Variants in OC90 observed in about 807,000 individuals in gnomAD.
OC90 encodes otoconin 90, also known as otoconin-90.
In OC90, 46 loss-of-function variants were observed where a neutral mutation model predicts 47.3. That is an observed-to-expected ratio of 0.97 (90% CI 0.77 to 1.24). The LOEUF is 1.24. Ranked by LOEUF, OC90 falls within the 50% of genes most tolerant of loss-of-function variation. OC90 has a pLI of 0.00. For missense variants in OC90, 688 were observed against 583.9 expected (o/e 1.18, Z -1.84); for synonymous variants, 271 against 219.5 (o/e 1.23, Z -2.07).
intron 13 of OC90, among the ~76,000 whole-genome samples, chr8:132,027,386 A>G (rs1276963743): frequency 6.6e-6 from 1 of 152,198 alleles, no homozygotes; most frequent in Non-Finnish European, 1.5e-5. Flanking sequence ...TGTGACAGAC[A>G]TACCTGATCG....
rs190481083 is a variant in OC90 at position 132,027,492 on chromosome 8, C to T, written c.1138+1581G>A. On this transcript the variant is annotated intron_variant, in intron 13 of 13. Transcript: ENST00000254627. ...GGTCCAGCCAGTGGGCTGCCCCAGA[C>T]GAAAATGAAAATGAGAACAAACTCT... Among the ~76,000 whole-genome samples the T allele has an allele frequency of 3.7e-3, 562 of 152,210 alleles. 5 individuals carry two copies. Among genetic ancestry groups the T allele is most frequent in the African/African-American group, 1.0e-2 (414 of 41,532 alleles).
chr8:132,038,015 A>G (rs1371554227), intron 8 of OC90, among the ~76,000 whole-genome samples: 1 of 152,088 alleles, frequency 6.6e-6, no homozygotes, highest in Non-Finnish European at 1.5e-5. Flanking sequence ...CAAACACCAA[A>G]CACTGCATGA....
chr8:132,026,263 T>G (rs943809442), intron 13 of OC90, among the ~76,000 whole-genome samples: 5 of 152,210 alleles, frequency 3.3e-5, no homozygotes, highest in Non-Finnish European at 7.3e-5. Context: ...AATATTATCC[T>G]TGTTATCTGT....
intron 4 of OC90, among the ~76,000 whole-genome samples, chr8:132,043,210 G>A (rs1265567286): frequency 6.6e-6 from 1 of 152,212 alleles, no homozygotes; most frequent in Non-Finnish European, 1.5e-5. Flanking sequence ...AGCTGCACTA[G>A]GTGCTTTCAC....
intron 4 of OC90, among the ~76,000 whole-genome samples, chr8:132,042,349 G>C (rs1170508695): frequency 6.6e-6 from 1 of 152,144 alleles, no homozygotes; most frequent in Non-Finnish European, 1.5e-5. Flanking sequence ...TTGAGATAAT[G>C]AAATGTCTTT....
At chr8:132,038,469 G>C (rs1036666979) in intron 8 of OC90, among the ~76,000 whole-genome samples, 7 of 152,166 alleles carry the variant, frequency 4.6e-5, no homozygotes, top group Admixed American at 3.9e-4. Context: ...TCTTGTCCCA[G>C]TCACACTACA....
chr8:132,032,720 C>T (rs1822893540), intron 11 of OC90, among the ~76,000 whole-genome samples: 1 of 152,128 alleles, frequency 6.6e-6, no homozygotes, highest in Non-Finnish European at 1.5e-5. Flanking sequence ...AACCCAAGTG[C>T]TTCATGCTTT....
intron 2 of OC90, 113 bp downstream of exon 2, chr8:132,054,868 C>T: frequency 3.3e-6 from 2 of 613,510 alleles, no homozygotes; most frequent in Non-Finnish European, 5.5e-6. Flanking sequence ...AAGATAAGGA[C>T]ATTTAAAAGA....
At chr8:132,056,181 C>A (rs1823277290) in intron 1 of OC90, among the ~76,000 whole-genome samples, 1 of 152,128 alleles carries the variant, frequency 6.6e-6, no homozygotes, top group Non-Finnish European at 1.5e-5. Flanking sequence ...CAGAGCTTGA[C>A]TCTGAAGCTT....
chr8:132,031,331 C>A (rs1822870343), intron 12 of OC90, among the ~76,000 whole-genome samples: 1 of 152,290 alleles, frequency 6.6e-6, no homozygotes, highest in South Asian at 2.1e-4. Flanking sequence ...GGGTTTGATG[C>A]ATATTTAAAC....
At chr8:132,046,777 T>C (rs1823139748) in intron 2 of OC90, among the ~76,000 whole-genome samples, 1 of 152,204 alleles carries the variant, frequency 6.6e-6, no homozygotes, top group Non-Finnish European at 1.5e-5. Context: ...GTCAGCACTG[T>C]CCATCTGACA....
At position 132,039,242 on chromosome 8, in the gene OC90, T is replaced by C. The variant is rs189386006; in HGVS notation, c.458-119A>G. The C allele has an allele frequency of 6.7e-6, 7 of 1,050,936 alleles. No homozygotes were observed. The East Asian group carries it at 1.8e-4, about 27-fold the overall frequency. 65.1% of individuals were successfully genotyped at this position (1,050,936 alleles called of 1,614,324 possible). ...GCCAAAAATCCCACTCCCCTTGCAA[T>C]CTCCATCTCATTCATGTCAGCTCTT... On this transcript the variant is annotated intron_variant, in intron 6 of 13. Transcript: ENST00000254627.
intron 4 of OC90, among the ~76,000 whole-genome samples, chr8:132,043,572 C>T (rs1305042426): frequency 1.3e-5 from 2 of 152,212 alleles, no homozygotes; most frequent in African/African-American, 2.4e-5. Context: ...ACTGATTTAA[C>T]ATGCACAGGG....
rs1306153580 is a variant in OC90, at chr8:132,024,564, G to A, written c.1351C>T (p.Pro451Ser). ...TTGGCTCTGCCGAGGTCCTCCTGTGGAGGGTCCTCCTCGCTGTCCTCCTCA... is the reference window on the plus strand; with the variant it reads ...TTGGCTCTGCCGAGGTCCTCCTGTGAAGGGTCCTCCTCGCTGTCCTCCTCA... ...SSEEDSEEDP[P>S]QEDLGRAKRF... The change falls in exon 14 of 14, where the codon CCA (proline) becomes TCA (serine). Residue 451 changes from proline (P) to serine (S), a missense_variant. Pro to Ser is a moderately conservative substitution (Grantham distance 74). Coordinates refer to ENST00000254627, the MANE Select transcript of OC90 (RefSeq NM_001080399.3). 6.2e-6 allele frequency: 10 copies of A among 1,612,560 alleles called. No homozygotes were observed. Among genetic ancestry groups the A allele is most frequent in the East Asian group, 2.2e-5 (1 of 44,844 alleles).
chr8:132,046,702 G>T (rs750807090), intron 2 of OC90, among the ~76,000 whole-genome samples: 3 of 152,282 alleles, frequency 2.0e-5, no homozygotes, highest in Non-Finnish European at 2.9e-5. Flanking sequence ...GCAATATAAA[G>T]CTTGTAAGTA....
At position 132,024,257 on chromosome 8, in the gene OC90, G is replaced by A; in HGVS notation, c.*224C>T. On this transcript the variant is annotated 3_prime_UTR_variant, in exon 14 of 14. Coordinates refer to ENST00000254627, the MANE Select transcript of OC90 (RefSeq NM_001080399.3). ...TATTGAGCTTCCACAGTGCACTAAA[G>A]GAGCATGGAGGTACCATGGTGTGCC... is the stretch of plus-strand genomic sequence containing the variant. 1 of 462,638 alleles carries A rather than the reference G, an allele frequency of 2.2e-6. No homozygotes were observed. Among genetic ancestry groups the A allele is most frequent in the Non-Finnish European group, 3.8e-6 (1 of 260,876 alleles). 28.7% of individuals were successfully genotyped at this position (462,638 alleles called of 1,614,324 possible). A position where few individuals can be genotyped will look rare whatever the true frequency, so the allele number is the denominator to read the frequency against.
chr8:132,031,025 G>A (rs1004119557), intron 12 of OC90, among the ~76,000 whole-genome samples: 9 of 152,236 alleles, frequency 5.9e-5, no homozygotes, highest in African/African-American at 2.2e-4. Flanking sequence ...TTTGAATGCA[G>A]GTCTCTCCAT....
chr8:132,057,224 G>A (rs1180067861), intron 1 of OC90, among the ~76,000 whole-genome samples: 1 of 152,204 alleles, frequency 6.6e-6, no homozygotes, highest in Non-Finnish European at 1.5e-5. Flanking sequence ...CCTTTGTGCT[G>A]TTCCCTAATC....
In OC90 at chr8:132,038,979, G is replaced by C. The variant is rs1365984407; in HGVS notation, c.586+16C>G. 8.7e-6 allele frequency: 14 copies of C among 1,613,808 alleles called. No homozygotes were observed. The Admixed American group carries it at 2.3e-4, about 27-fold the overall frequency. ...GATCCTCAGCCCCACGGCTGATGCA[G>C]CCAGGTTCTTCCTACCTGGAGTCTG... On this transcript the variant is annotated intron_variant, in intron 7 of 13. Transcript: ENST00000254627.
Sources: allele counts gnomAD v4.1 joint callset (sites outside exome capture counted in the v4.1 genomes callset), GRCh38; gene constraint gnomAD v4.1.1; transcripts MANE v1.5; gene names NCBI Gene and HGNC (gene_info 2026-07-23, HGNC 2026-07-21).